SMARCB1: variants seen among roughly 807,000 people sequenced by gnomAD.
SMARCB1 encodes SWI/SNF related BAF chromatin remodeling complex subunit B1.
SMARCB1 carries 5 observed loss-of-function variants against 49.0 expected under a neutral mutation model. The ratio of observed to expected loss-of-function variants is 0.10; its 90% CI spans 0.05 to 0.21. SMARCB1 has a LOEUF of 0.21. SMARCB1 is among the 10% of genes least tolerant of loss of function. The pLI, the probability that SMARCB1 is intolerant of heterozygous loss-of-function variation, is 1.00. For missense variants in SMARCB1, 226 were observed against 509.2 expected, an observed-to-expected ratio of 0.44 and a Z score of 5.35; for synonymous variants, 201 against 200.1, an observed-to-expected ratio of 1.00 and a Z score of -0.04.
chr22:23,831,829 C>T (rs2030671346), intron 7 of SMARCB1, among the ~76,000 whole-genome samples: 1 of 152,160 alleles, frequency 6.6e-6, no homozygotes, highest in Admixed American at 6.5e-5. Context: ...TAGGGTGGTC[C>T]CTAGACTGCT....
intron 3 of SMARCB1, among the ~76,000 whole-genome samples, chr22:23,796,880 C>T (rs1409003479): frequency 6.6e-6 from 1 of 151,928 alleles, no homozygotes; most frequent in East Asian, 1.9e-4. Context: ...CCACACTACT[C>T]AGTCAGCCCA....
intron 8 of SMARCB1, 99 bp downstream of exon 8, chr22:23,833,802 GAC>G: frequency 1.4e-6 from 2 of 1,395,622 alleles, no homozygotes; most frequent in Non-Finnish European, 2.0e-6. Context: ...TGGTCTCTGA[GAC>G]AGAGTACCTC....
intron 5 of SMARCB1, among the ~76,000 whole-genome samples, chr22:23,812,689 G>A (rs1053311878): frequency 2.6e-5 from 4 of 152,100 alleles, no homozygotes; most frequent in Admixed American, 6.6e-5. Flanking sequence ...CTCAATCAAT[G>A]TAATCCACCA....
At chr22:23,824,278 C>A (rs1156683867) in intron 6 of SMARCB1, 1 of 152,302 alleles carries the variant, frequency 6.6e-6, no homozygotes, top group Non-Finnish European at 1.5e-5. Flanking sequence ...TTCCCTGCAG[C>A]TGCCCACCCT....
At chr22:23,797,433 C>T (rs1246261787) in intron 3 of SMARCB1, among the ~76,000 whole-genome samples, 6 of 151,594 alleles carry the variant, frequency 4.0e-5, no homozygotes, top group East Asian at 3.9e-4. Context: ...CTCAGCCTCC[C>T]GAGTAGCTGG....
chr22:23,809,853 C>T (rs1219464079), intron 5 of SMARCB1, among the ~76,000 whole-genome samples: 1 of 152,076 alleles, frequency 6.6e-6, no homozygotes, highest in African/African-American at 2.4e-5. Context: ...ATTGGACATT[C>T]TTAGTCAAGA....
chr22:23,833,732 T>C (rs2030798231), intron 8 of SMARCB1, 29 bp downstream of exon 8: 1 of 1,613,030 alleles, frequency 6.2e-7, no homozygotes, highest in Non-Finnish European at 8.5e-7. Context: ...TCCTGGGCTC[T>C]GCCCACAGGC....
chr22:23,831,725 C>T (rs1054695773), intron 7 of SMARCB1, among the ~76,000 whole-genome samples: 7 of 152,186 alleles, frequency 4.6e-5, no homozygotes, highest in African/African-American at 1.7e-4. Flanking sequence ...ATGTTTTGCT[C>T]CCCTCGTTGT....
In SMARCB1 at chr22:23,835,141, G is replaced by C; in HGVS notation, c.*961G>C. Reference sequence around the variant, plus strand: ...CCTCCCGGCCTGGTGCCAGCTCTTGGAGTTGACACGGTACAGGGAGGAGAC... The same window carrying C: ...CCTCCCGGCCTGGTGCCAGCTCTTGCAGTTGACACGGTACAGGGAGGAGAC... On this transcript the variant is annotated 3_prime_UTR_variant, in exon 9 of 9. Transcript: ENST00000644036. The C allele has an allele frequency of 4.4e-6, 6 of 1,367,910 alleles. No individual in the cohort carries two copies. Among genetic ancestry groups the C allele is most frequent in the Non-Finnish European group, 5.6e-6 (6 of 1,063,480 alleles). The allele number at this position is 1,367,910 out of a possible 1,614,324, so 84.7% of individuals were successfully genotyped here. A position where few individuals can be genotyped will look rare whatever the true frequency, so the allele number is the denominator to read the frequency against.
In SMARCB1 at chr22:23,837,931, ATTC is replaced by A. The variant is rs1178337806; in HGVS notation, c.*3755_*3757del. The A allele has an allele frequency of 6.0e-5, 85 of 1,417,466 alleles. No homozygotes were observed. The highest frequency in any genetic ancestry group is 8.0e-5 in the Non-Finnish European group (84 of 1,054,968). The allele number at this position is 1,417,466 out of a possible 1,614,324, so 87.8% of individuals were successfully genotyped here. A position where few individuals can be genotyped will look rare whatever the true frequency, so the allele number is the denominator to read the frequency against. ...CCCTCTGACTTCCCAAGACCCTGGA[ATTC>A]TTCCCCTCATCTCCCCTATGTGCTA... On this transcript the variant is annotated 3_prime_UTR_variant, in exon 9 of 9. Transcript: ENST00000644036.
intron 7 of SMARCB1, among the ~76,000 whole-genome samples, chr22:23,831,514 C>T (rs1457026544): frequency 6.6e-6 from 1 of 152,154 alleles, no homozygotes; most frequent in African/African-American, 2.4e-5. Context: ...CTCTTTGGAA[C>T]TCAGGACAGC....
chr22:23,837,191 C>T lies in SMARCB1; in HGVS notation c.*3011C>T. On this transcript the variant is annotated 3_prime_UTR_variant, in exon 9 of 9. Coordinates refer to ENST00000644036, the MANE Select transcript of SMARCB1 (RefSeq NM_003073.5). ...CCACGGACTGTGGGGTCACCCTCCACAGCCCAGAGTCCTAGACCAGCAGAG... is the reference window on the plus strand; with the variant it reads ...CCACGGACTGTGGGGTCACCCTCCATAGCCCAGAGTCCTAGACCAGCAGAG... 2 of 1,610,564 alleles carry T rather than the reference C, an allele frequency of 1.2e-6. No homozygotes were observed. The highest frequency in any genetic ancestry group is 8.5e-7 in the Non-Finnish European group (1 of 1,178,484).
In SMARCB1 at chr22:23,800,940, T is replaced by G; in HGVS notation, c.363-4T>G. The G allele has an allele frequency of 1.9e-6, 3 of 1,612,864 alleles. No homozygotes were observed. The highest frequency in any genetic ancestry group is 1.3e-5 in the African/African-American group (1 of 74,978). On this transcript the variant is annotated splice_polypyrimidine_tract_variant and splice_region_variant and intron_variant, in intron 3 of 8. Transcript: ENST00000644036. ...CTGGGAGGACTTTTCTTGTATCTCC[T>G]CAGGGAACAGAAGGCCAAGAGGAAC... is the stretch of plus-strand genomic sequence containing the variant.
intron 6 of SMARCB1, chr22:23,818,084 C>G (rs2029881039): frequency 6.6e-6 from 1 of 152,168 alleles, no homozygotes; most frequent in African/African-American, 2.4e-5. Flanking sequence ...CCTCAGCCTC[C>G]CAAAGTGCTG....
chr22:23,833,017 G>A (rs555599935), intron 7 of SMARCB1, among the ~76,000 whole-genome samples: 2 of 152,260 alleles, frequency 1.3e-5, no homozygotes, highest in South Asian at 4.2e-4. Context: ...CGGGGGTTTT[G>A]TTCGGCCAGG....
chr22:23,837,398 G>T lies in SMARCB1; in HGVS notation c.*3218G>T. The stretch of plus-strand genomic sequence containing the variant: ...AATAGTGGAGGAGTGGGAGCCATGG[G>T]GCAGGAACCCTGACCCTCCCATCCT... On this transcript the variant is annotated 3_prime_UTR_variant, in exon 9 of 9. Transcript: ENST00000644036. 1.5e-6 allele frequency: 1 copy of T among 650,986 alleles called. No individual in the cohort carries two copies. The highest frequency in any genetic ancestry group is 2.6e-6 in the Non-Finnish European group (1 of 382,900). 40.3% of individuals were successfully genotyped at this position (650,986 alleles called of 1,614,324 possible). A position where few individuals can be genotyped will look rare whatever the true frequency, so the allele number is the denominator to read the frequency against.
chr22:23,803,541 G>A lies in SMARCB1; in HGVS notation c.628+119G>A, dbSNP rs551534301. 2.2e-5 allele frequency: 24 copies of A among 1,102,022 alleles called. No individual in the cohort carries two copies. The East Asian group carries it at 5.6e-4, about 26-fold the overall frequency. 68.3% of individuals were successfully genotyped at this position (1,102,022 alleles called of 1,614,324 possible). A position where few individuals can be genotyped will look rare whatever the true frequency, so the allele number is the denominator to read the frequency against. Reference sequence around the variant, plus strand: ...TTCTGGACCTGACACGCAGGACATCGGGGCATAGTTTTGGAGGGTGTGGGC... The same window carrying A: ...TTCTGGACCTGACACGCAGGACATCAGGGCATAGTTTTGGAGGGTGTGGGC... On this transcript the variant is annotated intron_variant, in intron 5 of 8. Coordinates refer to ENST00000644036, the MANE Select transcript of SMARCB1 (RefSeq NM_003073.5).
At chr22:23,833,831 A>AGAGACCATG in intron 8 of SMARCB1, 128 bp downstream of exon 8, 1 of 1,110,678 alleles carries the variant, frequency 9.0e-7, no homozygotes, top group Non-Finnish European at 1.3e-6. Flanking sequence ...TGCTAGAGGC[A>AGAGACCATG]GGCAGGCTTC....
intron 6 of SMARCB1, chr22:23,823,717 A>C (rs1601431498): frequency 1.3e-5 from 2 of 152,392 alleles, no homozygotes; most frequent in East Asian, 3.9e-4. Context: ...GGATCTTTTG[A>C]GGCCAGCCTG....
Sources: gnomAD v4.1 joint callset for allele counts (sites outside exome capture counted in the v4.1 genomes callset) on GRCh38, gnomAD v4.1.1 for gene constraint, MANE v1.5 for transcripts, NCBI Gene and HGNC (gene_info 2026-07-23, HGNC 2026-07-21) for gene names.